Variants in HTT observed in about 807,000 individuals in gnomAD.
HTT encodes huntington disease protein.
A neutral mutation model predicts 362.3 loss-of-function variants in HTT; 104 were observed. The ratio of observed to expected loss-of-function variants is 0.29; its 90% CI spans 0.24 to 0.34. The LOEUF (loss-of-function observed/expected upper bound fraction) is 0.34, where lower values mean the gene tolerates loss of function less well. Among genes scored for constraint, HTT ranks in the 10% least tolerant of loss-of-function variants. The pLI is 1.00. For missense variants in HTT, 3,301 were observed against 3,928.6 expected, an observed-to-expected ratio of 0.84 and a Z score of 4.27; for synonymous variants, 1,577 against 1,548.7, an observed-to-expected ratio of 1.02 and a Z score of -0.43.
chr4:3,130,522 G>C (rs1560560862), intron 14 of HTT, 99 bp downstream of exon 14: 1 of 644,322 alleles, frequency 1.6e-6, no homozygotes, highest in African/African-American at 1.9e-5. Context: ...TCCCATCCCT[G>C]GGCCTTTAAA....
At chr4:3,171,858 A>G (rs924335163) in intron 29 of HTT, among the ~76,000 whole-genome samples, 3 of 152,210 alleles carry the variant, frequency 2.0e-5, no homozygotes, top group African/African-American at 4.8e-5. Flanking sequence ...GAAGAGTAAC[A>G]TTAAGGTAGT....
intron 29 of HTT, among the ~76,000 whole-genome samples, chr4:3,162,305 A>C (rs1717484578): frequency 6.6e-6 from 1 of 152,236 alleles, no homozygotes; most frequent in South Asian, 2.1e-4. Flanking sequence ...TACCAGTACC[A>C]TGCAGTTTTG....
intron 28 of HTT, 48 bp downstream of exon 28, chr4:3,157,247 G>T: frequency 6.6e-7 from 1 of 1,518,988 alleles, no homozygotes; most frequent in South Asian, 1.2e-5. Context: ...ACATACTTAC[G>T]TCTAATGGAT....
chr4:3,232,807 A>C (rs1345503430), intron 60 of HTT, among the ~76,000 whole-genome samples: 1 of 152,204 alleles, frequency 6.6e-6, no homozygotes, highest in African/African-American at 2.4e-5. Flanking sequence ...CCAGGAAAGC[A>C]CACTAGAGAC....
At chr4:3,095,101 C>T (rs977791736) in intron 2 of HTT, among the ~76,000 whole-genome samples, 9 of 151,792 alleles carry the variant, frequency 5.9e-5, no homozygotes, top group Non-Finnish European at 7.4e-5. Flanking sequence ...CAGGCAGAAA[C>T]GCTCCTCACT....
chr4:3,104,878 T>A (rs1222834846), intron 4 of HTT, among the ~76,000 whole-genome samples: 1 of 152,144 alleles, frequency 6.6e-6, no homozygotes, highest in Non-Finnish European at 1.5e-5. Context: ...CCCTTCAGCC[T>A]GGGCGACCAA....
intron 12 of HTT, 155 bp from the exon 13 acceptor site, chr4:3,129,769 T>C: frequency 2.5e-6 from 2 of 795,410 alleles, no homozygotes; most frequent in South Asian, 3.3e-5. Context: ...GCAGTTTCCA[T>C]GCGTGCATTT....
intron 6 of HTT, among the ~76,000 whole-genome samples, chr4:3,112,117 T>C (rs1248211976): frequency 6.6e-6 from 1 of 152,220 alleles, no homozygotes; most frequent in African/African-American, 2.4e-5. Context: ...AAATATATGC[T>C]TTATACAACT....
At chr4:3,143,143 A>G (rs1400221326) in intron 23 of HTT, among the ~76,000 whole-genome samples, 1 of 152,220 alleles carries the variant, frequency 6.6e-6, no homozygotes, top group Non-Finnish European at 1.5e-5. Flanking sequence ...GGAAGACACA[A>G]CAATTAAAAT....
intron 14 of HTT, among the ~76,000 whole-genome samples, 196 bp from the exon 15 acceptor site, chr4:3,131,090 C>T (rs1560561130): frequency 6.6e-6 from 1 of 152,008 alleles, no homozygotes; most frequent in Admixed American, 6.6e-5. Flanking sequence ...ACCCTGTGTC[C>T]TGCTGCCTCT....
intron 61 of HTT, among the ~76,000 whole-genome samples, chr4:3,233,781 G>A (rs60105607): frequency 0.015 from 2,226 of 152,320 alleles, 46 homozygotes; most frequent in African/African-American, 0.051. Flanking sequence ...GCTGCTGGAC[G>A]GCAGGTTCTG....
rs1721908818 is a variant in HTT, at chr4:3,243,430, T to A, written c.*3371T>A. ...TGAGAAGAAGGAAGATCTTGAGAGC[T>A]GCTGAGGGACCTTGGAGAGCTCAGG... On this transcript the variant is annotated 3_prime_UTR_variant, in exon 67 of 67. Coordinates refer to ENST00000355072, the MANE Select transcript of HTT (RefSeq NM_001388492.1). The A allele has an allele frequency of 6.6e-6, 1 of 152,412 alleles. No individual in the cohort carries two copies. The highest frequency in any genetic ancestry group is 2.4e-5 in the African/African-American group (1 of 41,444). The allele number at this position is 152,412 out of a possible 1,614,324, so 9.4% of individuals were successfully genotyped here. A position where few individuals can be genotyped will look rare whatever the true frequency, so the allele number is the denominator to read the frequency against.
intron 12 of HTT, 52 bp downstream of exon 12, chr4:3,127,656 A>T: frequency 1.9e-5 from 26 of 1,335,094 alleles, no homozygotes; most frequent in Non-Finnish European, 2.6e-5. Flanking sequence ...TATTTGAGAC[A>T]GAGTCTCACT....
intron 4 of HTT, among the ~76,000 whole-genome samples, chr4:3,105,111 T>G (rs1481704057): frequency 6.6e-6 from 1 of 152,186 alleles, no homozygotes; most frequent in Non-Finnish European, 1.5e-5. Flanking sequence ...GGTAGACGAT[T>G]GCTTTACTTT....
chr4:3,154,558 G>A, intron 27 of HTT, 139 bp downstream of exon 27: 1 of 1,200,326 alleles, frequency 8.3e-7, no homozygotes, highest in Non-Finnish European at 1.1e-6. Context: ...TCCAGGTGCG[G>A]TTCAAGATAT....
At chr4:3,142,362 G>T (rs1379779219) in intron 22 of HTT, among the ~76,000 whole-genome samples, 1 of 152,054 alleles carries the variant, frequency 6.6e-6, no homozygotes, top group South Asian at 2.1e-4. Flanking sequence ...AAAGGAATTA[G>T]AGTTTGTATA....
At chr4:3,165,927 A>G (rs1322397050) in intron 29 of HTT, among the ~76,000 whole-genome samples, 12 of 151,996 alleles carry the variant, frequency 7.9e-5, no homozygotes, top group Non-Finnish European at 1.5e-4. Context: ...CATCAAACTC[A>G]TTCTCCATCC....
chr4:3,111,880 G>A (rs1369904956), intron 6 of HTT, among the ~76,000 whole-genome samples: 1 of 152,136 alleles, frequency 6.6e-6, no homozygotes, highest in Non-Finnish European at 1.5e-5. Context: ...AGATGTATGT[G>A]GCGCCTCCAA....
intron 29 of HTT, among the ~76,000 whole-genome samples, chr4:3,169,584 T>TG (rs1009435909): frequency 4.6e-5 from 7 of 152,306 alleles, no homozygotes; most frequent in African/African-American, 1.7e-4. Flanking sequence ...GTATTTTTTT[T>TG]TTTGTTTTTG....
Sources: allele counts gnomAD v4.1 joint callset (sites outside exome capture counted in the v4.1 genomes callset), GRCh38; gene constraint gnomAD v4.1.1; transcripts MANE v1.5; gene names NCBI Gene and HGNC (gene_info 2026-07-23, HGNC 2026-07-21).